The following GRIK2 variants were observed in gnomAD, a reference collection of about 807,000 sequenced individuals.
The protein encoded by GRIK2 is glutamate ionotropic receptor kainate type subunit 2, also known as glutamate receptor ionotropic, kainate 2.
A neutral mutation model predicts 100.3 loss-of-function variants in GRIK2; 32 were observed. That is an observed-to-expected ratio of 0.32 (90% CI 0.24 to 0.43). The LOEUF (loss-of-function observed/expected upper bound fraction) is 0.43, where lower values mean the gene tolerates loss of function less well. GRIK2 is among the 20% of genes least tolerant of loss of function. The pLI is 1.00. For synonymous variants in GRIK2, 417 were observed against 389.4 expected (o/e 1.07, Z -0.83); for missense variants, 843 against 1,114.9 (o/e 0.76, Z 3.47).
chr6:101,714,148 G>A (rs934147546), intron 7 of GRIK2, among the ~76,000 whole-genome samples: 3 of 151,632 alleles, frequency 2.0e-5, no homozygotes, highest in African/African-American at 7.3e-5. Context: ...GGCTACCAGA[G>A]TGCTTCTCCA....
At chr6:102,049,929 G>T (rs1771083577) in intron 15 of GRIK2, among the ~76,000 whole-genome samples, 1 of 152,072 alleles carries the variant, frequency 6.6e-6, no homozygotes, top group African/African-American at 2.4e-5. Context: ...ATAGGATAAT[G>T]TGATTTCAGT....
chr6:101,572,755 T>C (rs1419820977), intron 2 of GRIK2, among the ~76,000 whole-genome samples: 1 of 124,406 alleles, frequency 8.0e-6, no homozygotes, highest in African/African-American at 4.7e-5. Flanking sequence ...TCAGTTTCTT[T>C]TTTTTTTTTT....
chr6:101,776,367 GAGAC>G (rs1433106310), intron 7 of GRIK2, among the ~76,000 whole-genome samples: 9 of 152,154 alleles, frequency 5.9e-5, no homozygotes, highest in Middle Eastern at 3.2e-3. Flanking sequence ...ATTATGGAGA[GAGAC>G]AGACATATGT....
chr6:101,763,214 A>C (rs1397633124), intron 7 of GRIK2, among the ~76,000 whole-genome samples: 8 of 152,206 alleles, frequency 5.3e-5, no homozygotes, highest in Admixed American at 5.2e-4. Context: ...ATTTGATGAC[A>C]ATGTGGTAAG....
chr6:101,448,647 A>G (rs1770504634), intron 2 of GRIK2, among the ~76,000 whole-genome samples: 1 of 151,622 alleles, frequency 6.6e-6, no homozygotes, highest in African/African-American at 2.4e-5. Flanking sequence ...ATTTTGAAGC[A>G]TGAGAATGAA....
chr6:101,603,794 T>TA (rs1207619073), intron 2 of GRIK2, among the ~76,000 whole-genome samples: 4 of 151,918 alleles, frequency 2.6e-5, no homozygotes, highest in Non-Finnish European at 5.9e-5. Context: ...CATATTTCAT[T>TA]AAAGAAGAGG....
intron 14 of GRIK2, among the ~76,000 whole-genome samples, chr6:101,960,196 G>GT (rs1562512371): frequency 6.7e-6 from 1 of 150,190 alleles, no homozygotes. Flanking sequence ...CAGAAGTTCT[G>GT]TTTTTTTAAA....
At chr6:101,617,192 G>A (rs1468017685) in intron 2 of GRIK2, among the ~76,000 whole-genome samples, 6 of 151,632 alleles carry the variant, frequency 4.0e-5, no homozygotes, top group Non-Finnish European at 8.9e-5. Context: ...TCTATGTAAA[G>A]TGCACACATG....
intron 2 of GRIK2, among the ~76,000 whole-genome samples, chr6:101,579,018 G>T (rs758852620): frequency 3.3e-5 from 5 of 152,082 alleles, no homozygotes; most frequent in Admixed American, 6.6e-5. Flanking sequence ...TGTAACAGAA[G>T]TTAGCAAAAT....
At chr6:102,042,037 C>G (rs1770612522) in intron 15 of GRIK2, among the ~76,000 whole-genome samples, 1 of 151,480 alleles carries the variant, frequency 6.6e-6, no homozygotes, top group Admixed American at 6.6e-5. Flanking sequence ...AGATAACTAT[C>G]ATTTTGTGGG....
At chr6:101,805,786 G>T (rs1780966301) in intron 9 of GRIK2, among the ~76,000 whole-genome samples, 1 of 151,990 alleles carries the variant, frequency 6.6e-6, no homozygotes, top group African/African-American at 2.4e-5. Flanking sequence ...TTTACATAAT[G>T]TTCGGAAACA....
At chr6:102,010,211 G>A (rs1480290756) in intron 14 of GRIK2, among the ~76,000 whole-genome samples, 1 of 151,964 alleles carries the variant, frequency 6.6e-6, no homozygotes, top group Non-Finnish European at 1.5e-5. Flanking sequence ...AATGTCCATA[G>A]TTTATATTGT....
intron 1 of GRIK2, among the ~76,000 whole-genome samples, chr6:101,396,169 A>G (rs545945820): frequency 6.6e-6 from 1 of 152,176 alleles, no homozygotes; most frequent in South Asian, 2.1e-4. Flanking sequence ...ATAACTTCAA[A>G]ATTGCCACAT....
At chr6:101,801,906 A>G (rs924220930) in intron 8 of GRIK2, among the ~76,000 whole-genome samples, 1 of 151,846 alleles carries the variant, frequency 6.6e-6, no homozygotes, top group Non-Finnish European at 1.5e-5. Flanking sequence ...AGTTTCTCTT[A>G]TTGTAATAAG....
chr6:101,681,272 T>G (rs915798447), intron 5 of GRIK2, among the ~76,000 whole-genome samples: 1 of 152,190 alleles, frequency 6.6e-6, no homozygotes, highest in African/African-American at 2.4e-5. Context: ...TTTGTTTGTT[T>G]GTTTTGTAAT....
At chr6:101,840,912 T>C (rs765450769) in intron 10 of GRIK2, among the ~76,000 whole-genome samples, 1 of 152,228 alleles carries the variant, frequency 6.6e-6, no homozygotes. Flanking sequence ...TTTCGCCATA[T>C]AGTTGTTTGA....
intron 2 of GRIK2, among the ~76,000 whole-genome samples, chr6:101,539,824 C>T (rs914578036): frequency 6.6e-6 from 1 of 151,606 alleles, no homozygotes; most frequent in Non-Finnish European, 1.5e-5. Context: ...ATTTTACCTT[C>T]GAGCTCTGAA....
At chr6:101,957,110 CA>C (rs1398362081) in intron 14 of GRIK2, among the ~76,000 whole-genome samples, 1 of 151,780 alleles carries the variant, frequency 6.6e-6, no homozygotes, top group Non-Finnish European at 1.5e-5. Flanking sequence ...GCATTCCCAC[CA>C]ACAGTGTATA....
chr6:101,952,968 T>C (rs759487642), intron 14 of GRIK2, among the ~76,000 whole-genome samples: 5 of 152,184 alleles, frequency 3.3e-5, no homozygotes, highest in Non-Finnish European at 5.9e-5. Context: ...CTCTCCACCA[T>C]ACCTAATAAA....
Sources: allele counts gnomAD v4.1 joint callset (sites outside exome capture counted in the v4.1 genomes callset), GRCh38; gene constraint gnomAD v4.1.1; transcripts MANE v1.5; gene names NCBI Gene and HGNC (gene_info 2026-07-23, HGNC 2026-07-21).